Variants in GALNT13 observed in about 807,000 individuals in gnomAD.
GALNT13 encodes the protein UDP-GalNAc:polypeptide N-acetylgalactosaminyltransferase 13.
GALNT13 carries 28 observed loss-of-function variants against 64.2 expected under a neutral mutation model. The observed-to-expected ratio is 0.44, with a 90% CI of 0.32 to 0.60. The LOEUF is 0.60. GALNT13 is among the 20% of genes least tolerant of loss of function. GALNT13 has a pLI of 0.05. For missense variants in GALNT13, 577 were observed against 669.8 expected (o/e 0.86, Z 1.53); for synonymous variants, 214 against 224.6 (o/e 0.95, Z 0.42).
the GALNT13 span, among the ~76,000 whole-genome samples, chr2:153,509,030 A>T: frequency 6.6e-6 from 1 of 152,162 alleles, no homozygotes; most frequent in Non-Finnish European, 1.5e-5. Flanking sequence ...AGGTTTGGGG[A>T]AATTAAACCC....
At chr2:153,648,860 C>T in the GALNT13 span, among the ~76,000 whole-genome samples, 19 of 152,046 alleles carry the variant, frequency 1.2e-4, no homozygotes, top group African/African-American at 4.1e-4. Context: ...TTGCTGGATT[C>T]GGTTTGCTAG....
chr2:153,791,699 T>C, the GALNT13 span, among the ~76,000 whole-genome samples: 1 of 152,042 alleles, frequency 6.6e-6, no homozygotes, highest in Non-Finnish European at 1.5e-5. Flanking sequence ...GTAGAGTGGA[T>C]AAAGAAAATA....
the GALNT13 span, among the ~76,000 whole-genome samples, chr2:153,228,155 A>G: frequency 8.5e-5 from 13 of 152,204 alleles, no homozygotes; most frequent in Non-Finnish European, 1.3e-4. Flanking sequence ...CATGTGGCAG[A>G]CAGATGTTTA....
intron 4 of GALNT13, among the ~76,000 whole-genome samples, chr2:154,196,435 TTTG>T (rs1686883165): frequency 6.6e-6 from 1 of 152,240 alleles, no homozygotes; most frequent in African/African-American, 2.4e-5. Flanking sequence ...AGTTCTTTTA[TTTG>T]TTTTCTTTAA....
chr2:154,072,210 A>G (rs777642173), intron 3 of GALNT13, among the ~76,000 whole-genome samples: 1 of 152,094 alleles, frequency 6.6e-6, no homozygotes, highest in Non-Finnish European at 1.5e-5. Flanking sequence ...AGCCAAAGAA[A>G]TTTATGCTCA....
At chr2:154,360,645 G>C (rs1193773760) in intron 9 of GALNT13, among the ~76,000 whole-genome samples, 1 of 152,128 alleles carries the variant, frequency 6.6e-6, no homozygotes, top group Non-Finnish European at 1.5e-5. Context: ...ACCTATGTGT[G>C]GATGGATGTC....
At chr2:153,987,076 G>T (rs1055916427) in intron 3 of GALNT13, among the ~76,000 whole-genome samples, 1 of 151,834 alleles carries the variant, frequency 6.6e-6, no homozygotes, top group Non-Finnish European at 1.5e-5. Flanking sequence ...AGGAGCAAGG[G>T]ATTCGAATGC....
chr2:153,786,562 T>C, the GALNT13 span, among the ~76,000 whole-genome samples: 1 of 151,820 alleles, frequency 6.6e-6, no homozygotes, highest in Non-Finnish European at 1.5e-5. Context: ...TACACTGAGC[T>C]TACAGCAACC....
At chr2:153,196,414 G>A in the GALNT13 span, among the ~76,000 whole-genome samples, 1 of 152,292 alleles carries the variant, frequency 6.6e-6, no homozygotes, top group East Asian at 1.9e-4. Flanking sequence ...ACCTGGCTGG[G>A]CAGTGACAGT....
At chr2:154,088,820 A>G (rs1178105520) in intron 3 of GALNT13, among the ~76,000 whole-genome samples, 3 of 152,106 alleles carry the variant, frequency 2.0e-5, no homozygotes, top group Non-Finnish European at 4.4e-5. Flanking sequence ...TATCAGGGCT[A>G]TGTTTTTGTT....
the GALNT13 span, among the ~76,000 whole-genome samples, chr2:153,500,608 T>C: frequency 6.6e-6 from 1 of 152,320 alleles, no homozygotes; most frequent in East Asian, 1.9e-4. Flanking sequence ...AGATCACTGG[T>C]TGGTCACAGG....
chr2:154,056,900 G>T (rs903946832), intron 3 of GALNT13, among the ~76,000 whole-genome samples: 1 of 151,682 alleles, frequency 6.6e-6, no homozygotes, highest in Non-Finnish European at 1.5e-5. Context: ...TTAGTTTTAG[G>T]TTGAGTTTCT....
chr2:153,878,112 CT>C (rs1275996328), intron 1 of GALNT13, among the ~76,000 whole-genome samples: 7 of 152,094 alleles, frequency 4.6e-5, no homozygotes, highest in Non-Finnish European at 7.4e-5. Context: ...TGATTATTTT[CT>C]TTTGTATAGT....
the GALNT13 span, among the ~76,000 whole-genome samples, chr2:153,125,036 C>A: frequency 6.6e-6 from 1 of 151,992 alleles, no homozygotes; most frequent in Admixed American, 6.6e-5. Flanking sequence ...TACAGGATTA[C>A]CAATTAGATT....
the GALNT13 span, among the ~76,000 whole-genome samples, chr2:153,651,117 A>G: frequency 6.6e-6 from 1 of 152,222 alleles, no homozygotes; most frequent in African/African-American, 2.4e-5. Flanking sequence ...TTGTACACCT[A>G]AAGTTCTTTA....
rs111702859 is a variant in GALNT13 at position 154,357,226 on chromosome 2, C to T, written c.1157-38765C>T. Among the ~76,000 whole-genome samples the T allele has an allele frequency of 1.4e-3, 215 of 152,090 alleles. 2 individuals carry two copies. Among genetic ancestry groups the T allele is most frequent in the African/African-American group, 5.1e-3 (211 of 41,540 alleles). On this transcript the variant is annotated intron_variant, in intron 9 of 12. Coordinates refer to ENST00000392825, the MANE Select transcript of GALNT13 (RefSeq NM_052917.4). ...AAGATCTCTTTTAGCTCTTAACTTT[C>T]TAGGAGAGTCAAAAATTCTTTGTAG...
At chr2:154,140,296 G>C in intron 3 of GALNT13, 41 bp from the exon 4 acceptor site, 5 of 1,461,610 alleles carry the variant, frequency 3.4e-6, no homozygotes, top group Non-Finnish European at 4.8e-6. Context: ...TTCATTATCT[G>C]TGTGTTTGTA....
At chr2:153,322,829 CCTT>C in the GALNT13 span, among the ~76,000 whole-genome samples, 2 of 152,124 alleles carry the variant, frequency 1.3e-5, no homozygotes, top group Admixed American at 1.3e-4. Flanking sequence ...GACATGAACT[CCTT>C]CTTTTTTATG....
chr2:154,416,317 C>G (rs1012721), intron 11 of GALNT13, among the ~76,000 whole-genome samples: 1 of 151,868 alleles, frequency 6.6e-6, no homozygotes, highest in Non-Finnish European at 1.5e-5. Context: ...GTTCATTGAG[C>G]CTTCTTCTTG....
Sources: allele counts gnomAD v4.1 joint callset (sites outside exome capture counted in the v4.1 genomes callset), GRCh38; gene constraint gnomAD v4.1.1; transcripts MANE v1.5; gene names NCBI Gene and HGNC (gene_info 2026-07-23, HGNC 2026-07-21).